DPP10: variants seen among roughly 807,000 people sequenced by gnomAD.
The protein encoded by DPP10 is dipeptidyl peptidase like 10.
DPP10 carries 33 observed loss-of-function variants against 120.9 expected under a neutral mutation model. The observed-to-expected ratio is 0.27, with a 90% confidence interval of 0.21 to 0.37. DPP10 has a LOEUF of 0.37. Among genes scored for constraint, DPP10 ranks in the 10% least tolerant of loss-of-function variants. The pLI is 1.00. For missense variants in DPP10, 816 were observed against 942.8 expected (o/e 0.87, Z 1.76); for synonymous variants, 337 against 326.1 (o/e 1.03, Z -0.36).
intron 1 of DPP10, among the ~76,000 whole-genome samples, chr2:115,141,599 T>C (rs1204835303): frequency 1.3e-5 from 2 of 152,216 alleles, no homozygotes; most frequent in Non-Finnish European, 2.9e-5. Context: ...GTTAATAACT[T>C]GTTCGACTGC....
intron 1 of DPP10, among the ~76,000 whole-genome samples, chr2:114,818,022 G>C (rs772365890): frequency 5.3e-5 from 8 of 152,062 alleles, no homozygotes; most frequent in Non-Finnish European, 8.8e-5. Flanking sequence ...GTTGCCTGGG[G>C]AAGAAACATT....
intron 1 of DPP10, among the ~76,000 whole-genome samples, chr2:114,628,772 G>T (rs761529726): frequency 6.6e-6 from 1 of 152,118 alleles, no homozygotes; most frequent in Non-Finnish European, 1.5e-5. Context: ...GCGAACGAAC[G>T]GCTGTCCTTG....
At chr2:114,482,473 G>A (rs1681147799) in intron 1 of DPP10, among the ~76,000 whole-genome samples, 1 of 152,202 alleles carries the variant, frequency 6.6e-6, no homozygotes, top group African/African-American at 2.4e-5. Flanking sequence ...CTTAAATCTT[G>A]GTTGCTTAAA....
At chr2:114,912,189 A>T (rs1694420607) in intron 1 of DPP10, among the ~76,000 whole-genome samples, 1 of 152,180 alleles carries the variant, frequency 6.6e-6, no homozygotes, top group Non-Finnish European at 1.5e-5. Flanking sequence ...AGTAAGAACC[A>T]AGGAGACTTC....
At chr2:114,720,382 T>C (rs1055961160) in intron 1 of DPP10, among the ~76,000 whole-genome samples, 11 of 152,108 alleles carry the variant, frequency 7.2e-5, no homozygotes, top group Non-Finnish European at 1.5e-4. Context: ...GTAGTGACAG[T>C]CTTAATAGTT....
chr2:114,549,426 G>T (rs531444938), intron 1 of DPP10, among the ~76,000 whole-genome samples: 1 of 152,170 alleles, frequency 6.6e-6, no homozygotes, highest in South Asian at 2.1e-4. Context: ...ATTTTGGGAT[G>T]CCAAGGTGGG....
At chr2:115,438,194 C>T (rs2071678252) in intron 3 of DPP10, among the ~76,000 whole-genome samples, 1 of 152,074 alleles carries the variant, frequency 6.6e-6, no homozygotes, top group Non-Finnish European at 1.5e-5. Flanking sequence ...CACCACTTCA[C>T]ATTCATTAGA....
intron 1 of DPP10, among the ~76,000 whole-genome samples, chr2:115,286,492 A>T (rs11123293): frequency 3.7e-4 from 3 of 8,010 alleles, no homozygotes; most frequent in South Asian, 5.5e-3. Context: ...TATATATATA[A>T]TATATATATA....
chr2:115,275,587 T>G (rs900955023), intron 1 of DPP10, among the ~76,000 whole-genome samples: 2 of 152,120 alleles, frequency 1.3e-5, no homozygotes, highest in African/African-American at 4.8e-5. Context: ...AGGCAAGCCT[T>G]TCTTCTTTTT....
At chr2:115,356,219 C>T (rs2064376266) in intron 3 of DPP10, among the ~76,000 whole-genome samples, 2 of 152,116 alleles carry the variant, frequency 1.3e-5, no homozygotes, top group African/African-American at 2.4e-5. Flanking sequence ...TTTGTGTCCT[C>T]TCTTATTTCC....
chr2:115,448,384 A>G (rs1011273027), intron 3 of DPP10, among the ~76,000 whole-genome samples: 2 of 152,218 alleles, frequency 1.3e-5, no homozygotes, highest in Admixed American at 1.3e-4. Context: ...CCTGCATTAA[A>G]TAAACTGCAC....
chr2:115,067,861 CAAAAAAAA>C (rs201964006), intron 1 of DPP10, among the ~76,000 whole-genome samples: 21,527 of 86,836 alleles, frequency 0.25, 2,054 homozygotes, highest in African/African-American at 0.38. Flanking sequence ...GACTCTGTCT[CAAAAAAAA>C]AAAAAAAAAA....
At chr2:114,781,984 C>A (rs997337835) in intron 1 of DPP10, among the ~76,000 whole-genome samples, 4 of 151,878 alleles carry the variant, frequency 2.6e-5, no homozygotes, top group Non-Finnish European at 5.9e-5. Context: ...ATTTTTTATT[C>A]TTTAAATGTC....
chr2:114,858,777 T>A (rs1405385787), intron 1 of DPP10, among the ~76,000 whole-genome samples: 1 of 152,186 alleles, frequency 6.6e-6, no homozygotes, highest in Non-Finnish European at 1.5e-5. Flanking sequence ...TTCTTATTTA[T>A]TTCTCAAAAC....
chr2:115,795,633 G>C (rs1290057930), intron 19 of DPP10, among the ~76,000 whole-genome samples: 2 of 152,032 alleles, frequency 1.3e-5, no homozygotes, highest in Non-Finnish European at 2.9e-5. Context: ...TGGTAGAAGT[G>C]ATCTGTTTTC....
chr2:115,063,892 T>C lies in DPP10; in HGVS notation c.61-245347T>C, dbSNP rs140185224. ...TGTTGATGCTGTGTTTTTTTATGTA[T>C]ATAAGGTTTTATGATTTTACTTTTA... On this transcript the variant is annotated intron_variant, in intron 1 of 25. Coordinates refer to ENST00000410059, the MANE Select transcript of DPP10 (RefSeq NM_020868.6). Among the ~76,000 whole-genome samples the C allele has an allele frequency of 3.3e-3, 506 of 152,310 alleles. 6 individuals are homozygous for C. Among genetic ancestry groups the C allele is most frequent in the African/African-American group, 0.012 (483 of 41,576 alleles).
chr2:115,383,218 T>C (rs534247767), intron 3 of DPP10, among the ~76,000 whole-genome samples: 2 of 152,278 alleles, frequency 1.3e-5, no homozygotes, highest in South Asian at 4.1e-4. Flanking sequence ...GGGAGGTTCC[T>C]GGTGGGAAGT....
chr2:115,248,825 A>G (rs2058640505), intron 1 of DPP10, among the ~76,000 whole-genome samples: 1 of 152,182 alleles, frequency 6.6e-6, no homozygotes, highest in Admixed American at 6.6e-5. Context: ...TTAATGCACC[A>G]TGTAACCGAG....
chr2:115,517,077 T>A (rs67413030), intron 4 of DPP10, among the ~76,000 whole-genome samples: 32,253 of 152,022 alleles, frequency 0.21, 3,937 homozygotes, highest in East Asian at 0.39. Context: ...GAAGTATAAC[T>A]TTCACATGCC....
Sources: gnomAD v4.1 joint callset for allele counts (sites outside exome capture counted in the v4.1 genomes callset) on GRCh38, gnomAD v4.1.1 for gene constraint, MANE v1.5 for transcripts, NCBI Gene and HGNC (gene_info 2026-07-23, HGNC 2026-07-21) for gene names.